The following CSMD1 variants were observed in gnomAD, a reference collection of about 807,000 sequenced individuals.
CSMD1 encodes the protein CUB and Sushi multiple domains 1.
Under a neutral mutation model 417.5 loss-of-function variants are expected in CSMD1, and 213 were observed. The ratio of observed to expected loss-of-function variants is 0.51; its 90% CI spans 0.46 to 0.57. CSMD1 has a LOEUF of 0.57. Ranked by LOEUF, CSMD1 falls within the 20% of genes least tolerant of loss-of-function variation. CSMD1 has a pLI of 0.00. For synonymous variants in CSMD1, 2,862 were observed against 1,736.8 expected (o/e 1.65, Z -16.11); for missense variants, 6,923 against 4,529.7 (o/e 1.53, Z -15.17).
At position 3,468,769 on chromosome 8, in the gene CSMD1, G is replaced by A. The variant is rs1421762080; in HGVS notation, c.1504C>T (p.Leu502=). Residue 502 remains leucine, a synonymous_variant, in exon 12 of 70, where the codon CTA becomes TTA. Transcript: ENST00000635120. The part of the protein sequence containing the change: ...LIVSMSNQMW[L]HLQSDDSIGS... ...ATGCTATCATCCGACTGCAGATGTA[G>A]CCACATCTGGTTGCTCATGCTCACA... 1.1e-5 allele frequency: 17 copies of A among 1,606,878 alleles called. No individual in the cohort carries two copies. Among genetic ancestry groups the A allele is most frequent in the African/African-American group, 2.7e-5 (2 of 74,812 alleles).
At chr8:3,920,395 T>C (rs894106595) in intron 5 of CSMD1, among the ~76,000 whole-genome samples, 20 of 151,898 alleles carry the variant, frequency 1.3e-4, no homozygotes, top group Non-Finnish European at 1.0e-4. Context: ...GTGGACACTG[T>C]AGGTTCTTTT....
chr8:4,826,468 C>A (rs1049019117), intron 1 of CSMD1, among the ~76,000 whole-genome samples: 3 of 152,070 alleles, frequency 2.0e-5, no homozygotes, highest in Admixed American at 2.0e-4. Context: ...TTTTTAGTTT[C>A]TTTGATTTTG....
intron 6 of CSMD1, among the ~76,000 whole-genome samples, chr8:3,738,196 G>C (rs779489721): frequency 3.3e-5 from 5 of 152,064 alleles, no homozygotes; most frequent in African/African-American, 9.7e-5. Flanking sequence ...AATAAGCACA[G>C]AAATAAATTA....
chr8:3,347,090 A>G (rs762180213), intron 22 of CSMD1, among the ~76,000 whole-genome samples: 9 of 152,224 alleles, frequency 5.9e-5, no homozygotes, highest in Non-Finnish European at 1.3e-4. Flanking sequence ...AAAAAATCAC[A>G]GAACATCTCA....
chr8:4,192,489 A>G (rs978545865), intron 3 of CSMD1, among the ~76,000 whole-genome samples: 2 of 152,034 alleles, frequency 1.3e-5, no homozygotes, highest in African/African-American at 2.4e-5. Context: ...TGACCACCAC[A>G]TAAACTAAAG....
intron 10 of CSMD1, among the ~76,000 whole-genome samples, chr8:3,527,452 G>C (rs967703637): frequency 6.6e-6 from 1 of 152,318 alleles, no homozygotes; most frequent in South Asian, 2.1e-4. Flanking sequence ...ATTACAGTCT[G>C]TGTGGGCGAG....
chr8:3,594,496 T>C (rs1162178423), intron 8 of CSMD1, among the ~76,000 whole-genome samples: 4 of 152,162 alleles, frequency 2.6e-5, no homozygotes, highest in South Asian at 2.1e-4. Context: ...CTGAGGTTTG[T>C]TCAGACAATT....
chr8:4,202,005 C>G (rs186530504), intron 3 of CSMD1, among the ~76,000 whole-genome samples: 1 of 152,000 alleles, frequency 6.6e-6, no homozygotes, highest in African/African-American at 2.4e-5. Flanking sequence ...TGATTATACT[C>G]TGGATGAGAA....
At chr8:3,071,113 C>G (rs1443707703) in intron 49 of CSMD1, among the ~76,000 whole-genome samples, 2 of 152,164 alleles carry the variant, frequency 1.3e-5, no homozygotes, top group African/African-American at 4.8e-5. Flanking sequence ...CACTTATTAT[C>G]ATGAAGATAG....
intron 7 of CSMD1, among the ~76,000 whole-genome samples, chr8:3,670,739 G>C (rs62651762): frequency 1.4e-4 from 2 of 14,200 alleles, no homozygotes; most frequent in Non-Finnish European, 3.0e-4. Context: ...TGTATGGGAT[G>C]TATGTATATG....
chr8:4,132,748 G>C (rs777552102), intron 3 of CSMD1, among the ~76,000 whole-genome samples: 2 of 152,302 alleles, frequency 1.3e-5, no homozygotes, highest in Middle Eastern at 3.4e-3. Context: ...TGCAGAGATA[G>C]TGTTGATGTT....
In CSMD1 at chr8:3,772,084, G is replaced by T. The variant is rs1415881326; in HGVS notation, c.819-18042C>A. Among the ~76,000 whole-genome samples the T allele has an allele frequency of 2.0e-5, 3 of 150,592 alleles. No individual in the cohort carries two copies. The East Asian group carries it at 5.9e-4, about 30-fold the overall frequency. On this transcript the variant is annotated intron_variant, in intron 5 of 69. Coordinates refer to ENST00000635120, the MANE Select transcript of CSMD1 (RefSeq NM_033225.6). ...TGCCATTATGCTACCAATCCAGGCG[G>T]TTGATATTAGGGTGATTTTGTGTGA...
intron 5 of CSMD1, among the ~76,000 whole-genome samples, chr8:3,890,105 C>T (rs1246391367): frequency 6.6e-6 from 1 of 152,090 alleles, no homozygotes; most frequent in Non-Finnish European, 1.5e-5. Context: ...ATGAGATAAT[C>T]TGATAATATA....
chr8:4,204,149 T>A (rs932160040), intron 3 of CSMD1, among the ~76,000 whole-genome samples: 12 of 152,118 alleles, frequency 7.9e-5, no homozygotes, highest in Non-Finnish European at 1.8e-4. Flanking sequence ...AGTTTTCAAG[T>A]CCTGAAATTC....
chr8:3,608,737 C>G (rs1463834043), intron 8 of CSMD1, among the ~76,000 whole-genome samples: 3 of 145,376 alleles, frequency 2.1e-5, no homozygotes, highest in African/African-American at 5.2e-5. Context: ...GCACTCCAGC[C>G]TGGACAACAG....
chr8:4,780,644 T>C (rs139148932), intron 1 of CSMD1, among the ~76,000 whole-genome samples: 1 of 152,318 alleles, frequency 6.6e-6, no homozygotes, highest in African/African-American at 2.4e-5. Context: ...AGTAGTGATT[T>C]GTGAGATCCT....
intron 3 of CSMD1, among the ~76,000 whole-genome samples, chr8:4,165,124 G>C (rs1366558819): frequency 1.3e-5 from 2 of 152,150 alleles, no homozygotes; most frequent in Non-Finnish European, 2.9e-5. Context: ...GCTGGTGCAT[G>C]CATGACAGGT....
chr8:3,672,626 C>T (rs570527444), intron 7 of CSMD1, among the ~76,000 whole-genome samples: 1 of 152,268 alleles, frequency 6.6e-6, no homozygotes, highest in African/African-American at 2.4e-5. Context: ...AAGGTATTTA[C>T]TTTTTCATCC....
At chr8:3,191,128 C>A (rs1425001252) in intron 33 of CSMD1, among the ~76,000 whole-genome samples, 1 of 152,132 alleles carries the variant, frequency 6.6e-6, no homozygotes, top group Non-Finnish European at 1.5e-5. Context: ...TGCATTTAGT[C>A]CTCTCTAAAG....
Sources: allele counts gnomAD v4.1 joint callset (sites outside exome capture counted in the v4.1 genomes callset), GRCh38; gene constraint gnomAD v4.1.1; transcripts MANE v1.5; gene names NCBI Gene and HGNC (gene_info 2026-07-23, HGNC 2026-07-21).